DAP: variants seen among roughly 807,000 people sequenced by gnomAD.
DAP encodes the protein death associated protein.
DAP carries 8 observed loss-of-function variants against 13.8 expected under a neutral mutation model. The ratio of observed to expected loss-of-function variants is 0.58; its 90% CI spans 0.34 to 1.05. The LOEUF is 1.05. DAP is among the 50% of genes least tolerant of loss of function. DAP has a pLI of 0.03. For synonymous variants in DAP, 47 were observed against 47.5 expected (o/e 0.99, Z 0.04); for missense variants, 106 against 133.2 (o/e 0.80, Z 1.01).
At chr5:10,735,604 T>C (rs550783540) in intron 2 of DAP, among the ~76,000 whole-genome samples, 1 of 152,358 alleles carries the variant, frequency 6.6e-6, no homozygotes, top group South Asian at 2.1e-4. Flanking sequence ...TGGGGATGCA[T>C]GCAGAAAACA....
intron 2 of DAP, among the ~76,000 whole-genome samples, chr5:10,739,945 A>G (rs1486946017): frequency 1.3e-5 from 2 of 152,182 alleles, no homozygotes; most frequent in East Asian, 1.9e-4. Flanking sequence ...TTACTTAAAA[A>G]TTAAAAGACC....
At chr5:10,757,291 T>C (rs926289271) in intron 1 of DAP, among the ~76,000 whole-genome samples, 8 of 152,070 alleles carry the variant, frequency 5.3e-5, no homozygotes, top group African/African-American at 1.9e-4. Flanking sequence ...TTTTTTTTTT[T>C]AGACGAAATA....
intron 1 of DAP, among the ~76,000 whole-genome samples, chr5:10,749,916 T>C (rs1272809882): frequency 6.6e-6 from 1 of 152,146 alleles, no homozygotes; most frequent in Non-Finnish European, 1.5e-5. Flanking sequence ...CCCTCAGCTA[T>C]GTGGTCTCAG....
chr5:10,698,050 A>G (rs1738476943), intron 2 of DAP, among the ~76,000 whole-genome samples: 1 of 152,144 alleles, frequency 6.6e-6, no homozygotes, highest in Non-Finnish European at 1.5e-5. Context: ...GAATTCCTGA[A>G]TTCACCAGGA....
intron 2 of DAP, among the ~76,000 whole-genome samples, chr5:10,735,837 C>T (rs1345249800): frequency 6.6e-6 from 1 of 152,182 alleles, no homozygotes; most frequent in Non-Finnish European, 1.5e-5. Context: ...TGCCAGCTGA[C>T]GCCTAGTAGC....
At chr5:10,695,866 T>C (rs1031607242) in intron 2 of DAP, among the ~76,000 whole-genome samples, 2 of 137,628 alleles carry the variant, frequency 1.5e-5, no homozygotes, top group Non-Finnish European at 3.1e-5. Context: ...TTCACAGAGA[T>C]TTTTTTTTTT....
intron 2 of DAP, among the ~76,000 whole-genome samples, chr5:10,704,418 A>G (rs553641406): frequency 6.6e-6 from 1 of 151,994 alleles, no homozygotes; most frequent in South Asian, 2.1e-4. Flanking sequence ...CCTTGGAGAC[A>G]TGGGCACTTT....
chr5:10,760,882 G>C (rs1478845341), intron 1 of DAP, 132 bp downstream of exon 1: 2 of 470,780 alleles, frequency 4.2e-6, no homozygotes, highest in Non-Finnish European at 6.3e-6. Context: ...CGCGCCCCTC[G>C]GGCGGGCATC....
At chr5:10,696,329 T>C (rs1279887224) in intron 2 of DAP, among the ~76,000 whole-genome samples, 1 of 151,962 alleles carries the variant, frequency 6.6e-6, no homozygotes, top group Admixed American at 6.6e-5. Context: ...AGCCAGGGAA[T>C]AGGGGGTGTG....
chr5:10,736,762 G>T (rs1050456922), intron 2 of DAP, among the ~76,000 whole-genome samples: 1 of 152,220 alleles, frequency 6.6e-6, no homozygotes, highest in African/African-American at 2.4e-5. Flanking sequence ...TCCCAGGGCA[G>T]ATGGGCTATT....
chr5:10,714,375 T>C (rs1738928579), intron 2 of DAP, among the ~76,000 whole-genome samples: 1 of 152,198 alleles, frequency 6.6e-6, no homozygotes, highest in Admixed American at 6.5e-5. Flanking sequence ...TTGTTGCACA[T>C]ACCTAGAATT....
intron 2 of DAP, among the ~76,000 whole-genome samples, chr5:10,689,127 G>A (rs1356657823): frequency 6.6e-6 from 1 of 152,202 alleles, no homozygotes; most frequent in African/African-American, 2.4e-5. Context: ...CCGGAGAAAT[G>A]TGTGTGAACA....
intron 2 of DAP, among the ~76,000 whole-genome samples, chr5:10,742,370 T>TA (rs1739783042): frequency 6.6e-6 from 1 of 151,932 alleles, no homozygotes; most frequent in Admixed American, 6.6e-5. Context: ...CCGTCTCTAC[T>TA]AAAAAAATTA....
intron 2 of DAP, among the ~76,000 whole-genome samples, chr5:10,697,883 T>C (rs1052133265): frequency 2.0e-5 from 3 of 152,124 alleles, no homozygotes; most frequent in Middle Eastern, 3.2e-3. Context: ...ATTAGAGAGA[T>C]GCCAGAGTTA....
At chr5:10,699,450 C>A (rs1283195481) in intron 2 of DAP, among the ~76,000 whole-genome samples, 3 of 152,190 alleles carry the variant, frequency 2.0e-5, no homozygotes, top group Non-Finnish European at 4.4e-5. Context: ...TCCCAGAGGG[C>A]TCCCTAAATA....
chr5:10,691,942 C>CTTA (rs2126639496), intron 2 of DAP, among the ~76,000 whole-genome samples: 1 of 152,244 alleles, frequency 6.6e-6, no homozygotes, highest in African/African-American at 2.4e-5. Context: ...TTTGCTATTA[C>CTTA]TTATTTTCTA....
chr5:10,715,268 TG>T (rs1738954612), intron 2 of DAP, among the ~76,000 whole-genome samples: 1 of 152,196 alleles, frequency 6.6e-6, no homozygotes, highest in East Asian at 1.9e-4. Context: ...AGGATGCTGC[TG>T]TACTTGCACT....
chr5:10,720,739 C>T (rs571826574), intron 2 of DAP, among the ~76,000 whole-genome samples: 2 of 152,204 alleles, frequency 1.3e-5, no homozygotes, highest in South Asian at 2.1e-4. Flanking sequence ...CACCATTCCT[C>T]GGGGTGATCA....
intron 2 of DAP, among the ~76,000 whole-genome samples, chr5:10,691,859 A>G (rs1321060334): frequency 6.6e-6 from 1 of 152,258 alleles, no homozygotes; most frequent in Non-Finnish European, 1.5e-5. Flanking sequence ...ATGTCCGTGC[A>G]CGTGGGTCTC....
Sources: allele counts gnomAD v4.1 joint callset (sites outside exome capture counted in the v4.1 genomes callset), GRCh38; gene constraint gnomAD v4.1.1; transcripts MANE v1.5; gene names NCBI Gene and HGNC (gene_info 2026-07-23, HGNC 2026-07-21).